ADARB2: variants seen among roughly 807,000 people sequenced by gnomAD.
The protein encoded by ADARB2 is adenosine deaminase RNA specific B2 (inactive).
Under a neutral mutation model 62.2 loss-of-function variants are expected in ADARB2, and 25 were observed. The observed-to-expected ratio is 0.40, with a 90% CI of 0.29 to 0.56. The LOEUF (loss-of-function observed/expected upper bound fraction) is 0.56. Ranked by LOEUF, ADARB2 falls within the 20% of genes least tolerant of loss-of-function variation. The pLI is 0.43. For synonymous variants in ADARB2, 572 were observed against 500.8 expected (o/e 1.14, Z -1.90); for missense variants, 1,071 against 1,077.4 (o/e 0.99, Z 0.08).
At chr10:1,472,931 C>T (rs2676199) in intron 1 of ADARB2, among the ~76,000 whole-genome samples, 98,813 of 151,906 alleles carry the variant, frequency 0.65, 32,210 homozygotes, top group Admixed American at 0.71. Flanking sequence ...CAGCCGGCAC[C>T]AGGAAAAAGC....
rs1304670431 is a variant in ADARB2, at chr10:1,363,412, C to A, written c.693G>T (p.Ala231=). 6 of 1,366,710 alleles carry A rather than the reference C, an allele frequency of 4.4e-6. No individual in the cohort carries two copies. The African/African-American group carries it at 6.1e-5, about 14-fold the overall frequency. 84.7% of individuals were successfully genotyped at this position (1,366,710 alleles called of 1,614,324 possible). ...DTLFQEFEPP[A]PRPGLAGGRP... is the part of the protein sequence containing the mutation. The stretch of plus-strand genomic sequence containing the variant: ...GGCCTCCCGCGAGTCCGGGGCGCGG[C>A]GCCGGGGGCTCGAACTCCTGGAAGA... The change falls in exon 3 of 10, where the codon GCG becomes GCT. Residue 231 remains alanine (A), a synonymous_variant. Coordinates refer to ENST00000381312, the MANE Select transcript of ADARB2 (RefSeq NM_018702.4).
At chr10:1,698,406 G>C (rs1588356844) in intron 1 of ADARB2, among the ~76,000 whole-genome samples, 1 of 152,194 alleles carries the variant, frequency 6.6e-6, no homozygotes, top group African/African-American at 2.4e-5. Context: ...TGCGACCTCC[G>C]ATGTCATGCA....
chr10:1,653,571 C>T (rs1490821299), intron 1 of ADARB2, among the ~76,000 whole-genome samples: 31 of 144,214 alleles, frequency 2.1e-4, no homozygotes, highest in African/African-American at 7.5e-4. Context: ...CTCCACCCCA[C>T]GCCTCATGTG....
intron 1 of ADARB2, among the ~76,000 whole-genome samples, chr10:1,679,804 T>C (rs886462782): frequency 2.0e-5 from 3 of 152,188 alleles, no homozygotes; most frequent in African/African-American, 7.2e-5. Context: ...ACACGGAAAC[T>C]GAGTGCAGGG....
rs149377654 is a variant in ADARB2, at chr10:1,290,743, C to T, written c.1078-19674G>A. 5 of 152,346 alleles carry T rather than the reference C, an allele frequency of 3.3e-5. No homozygotes were observed. The South Asian group carries it at 1.0e-3, about 32-fold the overall frequency. The allele number at this position is 152,346 out of a possible 1,614,324, so 9.4% of individuals were successfully genotyped here. On this transcript the variant is annotated intron_variant, in intron 3 of 9. Transcript: ENST00000381312. ...AGTAGTCGTCCACAGTTTCCTAAAT[C>T]GTTAAATATCCACAAATCTGTTTAC...
chr10:1,210,997 C>T (rs1307698697), intron 7 of ADARB2, among the ~76,000 whole-genome samples: 1 of 152,164 alleles, frequency 6.6e-6, no homozygotes, highest in Non-Finnish European at 1.5e-5. Flanking sequence ...TCTGGGCACT[C>T]TCCCTGCCAG....
In ADARB2 at chr10:1,570,764, C is replaced by T. The variant is rs573710659; in HGVS notation, c.100+166287G>A. Among the ~76,000 whole-genome samples the T allele has an allele frequency of 3.9e-5, 6 of 152,064 alleles. No homozygotes were observed. The East Asian group carries it at 9.7e-4, about 25-fold the overall frequency. ...CTGGTTATTGTAGTGGCTGGGAGGA[C>T]GGGGCAGATAGGAACCCACAGGGAC... is the stretch of plus-strand genomic sequence containing the variant. On this transcript the variant is annotated intron_variant, in intron 1 of 9. Transcript: ENST00000381312.
At chr10:1,387,797 GA>G (rs933188758) in intron 1 of ADARB2, among the ~76,000 whole-genome samples, 123 of 151,742 alleles carry the variant, frequency 8.1e-4, no homozygotes, top group Non-Finnish European at 1.3e-3. Flanking sequence ...GATGTTATAA[GA>G]AAAAAAACCT....
intron 1 of ADARB2, among the ~76,000 whole-genome samples, chr10:1,691,248 C>CTG (rs1834668511): frequency 6.6e-6 from 1 of 152,266 alleles, no homozygotes; most frequent in Admixed American, 6.5e-5. Context: ...AAGACACCCT[C>CTG]TACAAGCCAA....
chr10:1,213,263 C>G (rs1026847789), intron 7 of ADARB2, among the ~76,000 whole-genome samples: 1 of 151,488 alleles, frequency 6.6e-6, no homozygotes, highest in African/African-American at 2.4e-5. Flanking sequence ...GGAGACAAAG[C>G]TAGAGACAGA....
chr10:1,234,277 C>A lies in ADARB2; in HGVS notation c.1362-432G>T, dbSNP rs545508011. Reference sequence around the variant, plus strand: ...GTGCTGGGATTACAGGTGTGAGCCGCTGCGCCTGGCCCCCAAGTTTCTCCT... The same window carrying A: ...GTGCTGGGATTACAGGTGTGAGCCGATGCGCCTGGCCCCCAAGTTTCTCCT... On this transcript the variant is annotated intron_variant, in intron 5 of 9. Coordinates refer to ENST00000381312, the MANE Select transcript of ADARB2 (RefSeq NM_018702.4). Among the ~76,000 whole-genome samples the A allele has an allele frequency of 3.9e-5, 6 of 152,186 alleles. No homozygotes were observed. The South Asian group carries it at 1.2e-3, about 32-fold the overall frequency.
At chr10:1,331,264 G>T (rs1831925174) in intron 3 of ADARB2, among the ~76,000 whole-genome samples, 1 of 152,128 alleles carries the variant, frequency 6.6e-6, no homozygotes, top group South Asian at 2.1e-4. Flanking sequence ...ATACCCAAGA[G>T]AAATAAAAAC....
At chr10:1,671,695 C>A (rs1360779417) in intron 1 of ADARB2, among the ~76,000 whole-genome samples, 1 of 152,114 alleles carries the variant, frequency 6.6e-6, no homozygotes, top group Non-Finnish European at 1.5e-5. Flanking sequence ...TCGGTGCCAC[C>A]TTTCCAGCTG....
chr10:1,197,539 C>T (rs746140134), intron 8 of ADARB2, among the ~76,000 whole-genome samples: 1 of 152,210 alleles, frequency 6.6e-6, no homozygotes, highest in Admixed American at 6.5e-5. Context: ...GGAAGACAGC[C>T]CGTGCTCTCC....
chr10:1,556,879 C>G (rs774451127), intron 1 of ADARB2: 17 of 524,042 alleles, frequency 3.2e-5, no homozygotes, highest in Admixed American at 3.2e-4. Context: ...AGGTTTGGTA[C>G]CTGAATGAGG....
chr10:1,563,995 G>A (rs1832824835), intron 1 of ADARB2, among the ~76,000 whole-genome samples: 1 of 150,140 alleles, frequency 6.7e-6, no homozygotes, highest in Non-Finnish European at 1.5e-5. Flanking sequence ...ATTCCATGGT[G>A]TATATGTGCC....
At chr10:1,475,268 T>C (rs1588271214) in intron 1 of ADARB2, among the ~76,000 whole-genome samples, 1 of 152,330 alleles carries the variant, frequency 6.6e-6, no homozygotes, top group Non-Finnish European at 1.5e-5. Context: ...ATAACTACTG[T>C]GGAGAAAGGA....
intron 3 of ADARB2, among the ~76,000 whole-genome samples, chr10:1,332,269 T>C (rs77584806): frequency 0.04 from 6,055 of 151,948 alleles, 138 homozygotes; most frequent in South Asian, 0.099. Flanking sequence ...CCAGGTGCGG[T>C]GGTGGACGTC....
rs1029571151 is a variant in ADARB2, at chr10:1,550,866, C to T, written c.101-171706G>A. On this transcript the variant is annotated intron_variant, in intron 1 of 9. Transcript: ENST00000381312. ...TCCCCGCGCTTCCCAGGCCGCCGTGCGAGCCCTGTTTGTGCCGCAACAGGA... is the reference window on the plus strand; with the variant it reads ...TCCCCGCGCTTCCCAGGCCGCCGTGTGAGCCCTGTTTGTGCCGCAACAGGA... 3.0e-5 allele frequency among the ~76,000 whole-genome samples: 4 copies of T among 131,790 alleles called. No homozygotes were observed. In the East Asian group the frequency reaches 8.4e-4, roughly 28 times the overall value. The allele number at this position is 131,790 out of a possible 152,430, so 86.5% of individuals were successfully genotyped here.
Sources: gnomAD v4.1 joint callset for allele counts (sites outside exome capture counted in the v4.1 genomes callset) on GRCh38, gnomAD v4.1.1 for gene constraint, MANE v1.5 for transcripts, NCBI Gene and HGNC (gene_info 2026-07-23, HGNC 2026-07-21) for gene names.